Variants in AQP9 observed in about 807,000 individuals in gnomAD.
AQP9 encodes aquaporin 9, also known as aquaporin-9.
AQP9 carries 19 observed loss-of-function variants against 23.8 expected under a neutral mutation model. The observed-to-expected ratio is 0.80, with a 90% CI of 0.56 to 1.17. AQP9 has a LOEUF of 1.17. Among genes scored for constraint, AQP9 ranks in the 50% most tolerant of loss-of-function variants. The probability of loss-of-function intolerance (pLI) is 0.00; values close to 1 mark genes in which losing one functional copy is unlikely to be tolerated. For synonymous variants in AQP9, 153 were observed against 131.5 expected (o/e 1.16, Z -1.12); for missense variants, 413 against 362.0 (o/e 1.14, Z -1.14).
At chr15:58,183,809 C>T in intron 5 of AQP9, 152 bp from the exon 6 acceptor site, 1 of 712,894 alleles carries the variant, frequency 1.4e-6, no homozygotes, top group East Asian at 2.6e-5. Flanking sequence ...ATGGCAGTTG[C>T]CATGCTGCAC....
At position 58,174,942 on chromosome 15, in the gene AQP9, G is replaced by A; in HGVS notation, c.401G>A (p.Gly134Glu). The part of the protein sequence containing the change: ...YYDGLMSFAG[G>E]KLLIVGENAT... ...GATGGACTTATGTCCTTTGCTGGTG[G>A]AAAACTGCTGATCGTGGGAGAAAAT... The change falls in exon 4 of 6, where the codon GGA (glycine) becomes GAA (glutamate). Residue 134 changes from glycine to glutamate, a missense_variant. Gly to Glu is a moderately conservative substitution (Grantham distance 98). Coordinates refer to ENST00000219919, the MANE Select transcript of AQP9 (RefSeq NM_020980.5). The A allele has an allele frequency of 1.2e-6, 2 of 1,614,172 alleles. No homozygotes were observed. Among genetic ancestry groups the A allele is most frequent in the East Asian group, 4.5e-5 (2 of 44,888 alleles).
At chr15:58,156,688 C>T (rs550213957) in intron 1 of AQP9, among the ~76,000 whole-genome samples, 1 of 152,154 alleles carries the variant, frequency 6.6e-6, no homozygotes. Flanking sequence ...CACCTGGCAA[C>T]CTTCATTTAA....
At chr15:58,176,692 C>A (rs562847597) in intron 4 of AQP9, among the ~76,000 whole-genome samples, 6 of 150,980 alleles carry the variant, frequency 4.0e-5, no homozygotes, top group Non-Finnish European at 5.9e-5. Flanking sequence ...CTCACTGCAA[C>A]CTCCACCTCC....
chr15:58,140,177 G>A (rs1439523511), intron 1 of AQP9, among the ~76,000 whole-genome samples: 1 of 151,352 alleles, frequency 6.6e-6, no homozygotes, highest in Admixed American at 6.6e-5. Flanking sequence ...AGAAAACAGA[G>A]GAGGAAATGA....
intron 3 of AQP9, 34 bp downstream of exon 3, chr15:58,173,239 G>A (rs1273346788): frequency 2.5e-6 from 4 of 1,611,240 alleles, no homozygotes; most frequent in Non-Finnish European, 3.4e-6. Context: ...AGGTTAGGAA[G>A]AGCTGGGCAT....
At chr15:58,147,108 G>C (rs1021995313) in intron 1 of AQP9, among the ~76,000 whole-genome samples, 1 of 152,168 alleles carries the variant, frequency 6.6e-6, no homozygotes, top group Middle Eastern at 3.2e-3. Context: ...CAGACTCCTG[G>C]AGCCAAACTT....
At chr15:58,165,551 C>A (rs935206) in intron 1 of AQP9, among the ~76,000 whole-genome samples, 109,259 of 152,002 alleles carry the variant, frequency 0.72, 39,257 homozygotes, top group Admixed American at 0.77. Context: ...AATGTATTTA[C>A]TACAATTGGC....
intron 3 of AQP9, among the ~76,000 whole-genome samples, chr15:58,174,660 G>T (rs956455401): frequency 2.6e-5 from 4 of 152,202 alleles, no homozygotes; most frequent in Admixed American, 2.0e-4. Flanking sequence ...CTCATTCCCA[G>T]GACCCTATCG....
chr15:58,163,533 T>C (rs1043124048), intron 1 of AQP9, among the ~76,000 whole-genome samples: 12 of 152,110 alleles, frequency 7.9e-5, no homozygotes, highest in African/African-American at 1.9e-4. Context: ...TAAGTACTTA[T>C]TGTAGAGTAC....
chr15:58,139,971 G>A (rs1358633545), intron 1 of AQP9, among the ~76,000 whole-genome samples: 2 of 152,160 alleles, frequency 1.3e-5, no homozygotes, highest in African/African-American at 2.4e-5. Context: ...GAGAGAAGAT[G>A]AAAGTCAGTG....
At chr15:58,167,194 C>G (rs1383599897) in intron 2 of AQP9, among the ~76,000 whole-genome samples, 4 of 152,200 alleles carry the variant, frequency 2.6e-5, no homozygotes, top group African/African-American at 9.7e-5. Flanking sequence ...CTATAGCAAA[C>G]AGGAAGAGTC....
At chr15:58,151,469 C>T (rs1898148259) in intron 1 of AQP9, 1 of 152,072 alleles carries the variant, frequency 6.6e-6, no homozygotes, top group African/African-American at 2.4e-5. Flanking sequence ...ATTCATCTAA[C>T]TTCTCACTAA....
At chr15:58,142,695 G>A (rs1057151450) in intron 1 of AQP9, among the ~76,000 whole-genome samples, 3 of 152,168 alleles carry the variant, frequency 2.0e-5, no homozygotes, top group Admixed American at 6.5e-5. Flanking sequence ...GGACCTATAG[G>A]AAAGTGGGCC....
At chr15:58,139,404 C>T (rs946097850) in intron 1 of AQP9, among the ~76,000 whole-genome samples, 1 of 152,202 alleles carries the variant, frequency 6.6e-6, no homozygotes, top group African/African-American at 2.4e-5. Flanking sequence ...GGAAAGTTTA[C>T]TTAAGTGGTC....
chr15:58,165,874 G>T (rs1051826014), intron 1 of AQP9, among the ~76,000 whole-genome samples: 6 of 152,190 alleles, frequency 3.9e-5, no homozygotes, highest in African/African-American at 1.4e-4. Context: ...GTGCCAGAGG[G>T]AATACAAGAA....
intron 2 of AQP9, among the ~76,000 whole-genome samples, chr15:58,171,090 A>ACT: frequency 7.9e-6 from 1 of 126,216 alleles, no homozygotes; most frequent in Non-Finnish European, 1.7e-5. Flanking sequence ...ACGCCCAACT[A>ACT]ATTTTTTTTT....
intron 2 of AQP9, 68 bp from the exon 3 acceptor site, chr15:58,173,000 C>G: frequency 2.5e-6 from 4 of 1,593,626 alleles, no homozygotes; most frequent in Non-Finnish European, 3.4e-6. Context: ...CACCTGAGGT[C>G]TCTAGATGGT....
intron 1 of AQP9, among the ~76,000 whole-genome samples, chr15:58,147,491 A>G (rs545437148): frequency 3.3e-5 from 5 of 152,216 alleles, no homozygotes; most frequent in Non-Finnish European, 7.3e-5. Flanking sequence ...TGAAACTTCT[A>G]AGCAAAGCAA....
Position 58,173,089 on chromosome 15 carries a change from T to C in AQP9, c.260T>C (p.Val87Ala), listed in dbSNP as rs528038229. The C allele has an allele frequency of 6.2e-7, 1 of 1,614,056 alleles. No homozygotes were observed. The highest frequency in any genetic ancestry group is 1.7e-5 in the Admixed American group (1 of 60,032). ...GCAGGTGGTCACATCAACCCAGCTG[T>C]GTCTTTAGCAATGTGTCTCTTTGGA... is the stretch of plus-strand genomic sequence containing the variant. ...GVSGGHINPA[V>A]SLAMCLFGRM... Residue 87 changes from valine to alanine, a missense_variant, in exon 3 of 6, where the codon GTG becomes GCG. Val to Ala is a moderately conservative substitution (Grantham distance 64). Transcript: ENST00000219919.
Sources: allele counts gnomAD v4.1 joint callset (sites outside exome capture counted in the v4.1 genomes callset), GRCh38; gene constraint gnomAD v4.1.1; transcripts MANE v1.5; gene names NCBI Gene and HGNC (gene_info 2026-07-23, HGNC 2026-07-21).